PTPRN2: variants seen among roughly 807,000 people sequenced by gnomAD.
The protein encoded by PTPRN2 is receptor-type tyrosine-protein phosphatase N2.
In PTPRN2, 74 loss-of-function variants were observed where a neutral mutation model predicts 118.8. That is an observed-to-expected ratio of 0.62 (90% CI 0.52 to 0.76). PTPRN2 has a LOEUF of 0.76. Ranked by LOEUF, PTPRN2 falls within the 30% of genes least tolerant of loss-of-function variation. The probability of loss-of-function intolerance (pLI) is 0.00; values close to 1 mark genes in which losing one functional copy is unlikely to be tolerated. For missense variants in PTPRN2, 1,481 were observed against 1,394.4 expected (o/e 1.06, Z -0.99); for synonymous variants, 641 against 608.0 (o/e 1.05, Z -0.80).
rs574863981 is a variant in PTPRN2, at chr7:158,542,564, G to A, written c.112+44994C>T. Among the ~76,000 whole-genome samples, 149 of 152,292 alleles carry A rather than the reference G, an allele frequency of 9.8e-4. 3 individuals carry two copies. Among genetic ancestry groups the A allele is most frequent in the Non-Finnish European group, 5.6e-4 (38 of 68,030 alleles). ...AAAGCGCAGAAGGGATGTGCCCAGC[G>A]CCATTTTTAAATGTAGCTGAAGAGG... On this transcript the variant is annotated intron_variant, in intron 1 of 22. Coordinates refer to ENST00000389418, the MANE Select transcript of PTPRN2 (RefSeq NM_002847.5).
In PTPRN2 at chr7:158,414,718, T is replaced by C. The variant is rs868136183; in HGVS notation, c.163+75017A>G. ...GCCTCCCGCCCTGGCCACATCAATG[T>C]GGCTCATTCTTCGAGGCTCCACTGA... On this transcript the variant is annotated intron_variant, in intron 2 of 22. Coordinates refer to ENST00000389418, the MANE Select transcript of PTPRN2 (RefSeq NM_002847.5). Among the ~76,000 whole-genome samples the C allele has an allele frequency of 7.2e-5, 11 of 152,370 alleles. No homozygotes were observed. In the South Asian group the frequency reaches 1.7e-3, roughly 23 times the overall value.
chr7:158,171,302 TACACAC>T (rs1190009891), intron 5 of PTPRN2, among the ~76,000 whole-genome samples: 2,223 of 24,170 alleles, frequency 0.092, 242 homozygotes, highest in African/African-American at 0.16. Flanking sequence ...CACATATATA[TACACAC>T]ATATATATAT....
chr7:158,024,039 T>C (rs949087502), intron 11 of PTPRN2, among the ~76,000 whole-genome samples: 1 of 152,214 alleles, frequency 6.6e-6, no homozygotes, highest in African/African-American at 2.4e-5. Context: ...CACTGGTATC[T>C]ATCAGCAGTT....
chr7:157,874,226 A>G lies in PTPRN2; in HGVS notation c.1788+24447T>C, dbSNP rs115808835. 1.9e-3 allele frequency among the ~76,000 whole-genome samples: 285 copies of G among 152,192 alleles called. No homozygotes were observed. The highest frequency in any genetic ancestry group is 6.5e-3 in the African/African-American group (269 of 41,518). ...TCTGTTTCCCCCTCCACAACTGGGCAGGCTGCTCCCTTCACCCCAACACTC... is the reference window on the plus strand; with the variant it reads ...TCTGTTTCCCCCTCCACAACTGGGCGGGCTGCTCCCTTCACCCCAACACTC... On this transcript the variant is annotated intron_variant, in intron 12 of 22. Coordinates refer to ENST00000389418, the MANE Select transcript of PTPRN2 (RefSeq NM_002847.5). This position sits in a 1 kb window ranked among gnomAD's most constrained non-coding sequence, Gnocchi z 5.8.
intron 12 of PTPRN2, among the ~76,000 whole-genome samples, chr7:157,815,603 T>G (rs1806345096): frequency 6.6e-6 from 1 of 152,172 alleles, no homozygotes; most frequent in Admixed American, 6.5e-5. Flanking sequence ...GAGTTGGCCC[T>G]AGTCCAGTGT....
chr7:158,400,271 T>C (rs1271094628), intron 2 of PTPRN2, among the ~76,000 whole-genome samples: 1 of 152,114 alleles, frequency 6.6e-6, no homozygotes, highest in Non-Finnish European at 1.5e-5. Flanking sequence ...ACCAAGCAGA[T>C]GCGCTACCCT....
chr7:157,631,327 A>G (rs1803925816), intron 14 of PTPRN2, among the ~76,000 whole-genome samples: 1 of 152,244 alleles, frequency 6.6e-6, no homozygotes. Context: ...CAAAGCGTAG[A>G]AGGGGAAACA....
chr7:158,276,573 G>C (rs917489193), intron 3 of PTPRN2, among the ~76,000 whole-genome samples: 1 of 152,218 alleles, frequency 6.6e-6, no homozygotes, highest in South Asian at 2.1e-4. Flanking sequence ...CTGGGCAGTC[G>C]TGGTGACCGC....
chr7:158,543,532 T>C (rs1026332159), intron 1 of PTPRN2, among the ~76,000 whole-genome samples: 2 of 152,250 alleles, frequency 1.3e-5, no homozygotes, highest in Admixed American at 6.5e-5. Context: ...TGAGGGTAAC[T>C]GCATAATGTA....
rs189420698 is a variant in PTPRN2 at position 158,128,296 on chromosome 7, A to T, written c.1556+5381T>A. On this transcript the variant is annotated intron_variant, in intron 9 of 22. Coordinates refer to ENST00000389418, the MANE Select transcript of PTPRN2 (RefSeq NM_002847.5). ...GAGGAGACCTCACCTAGTGCATCACACCTTGCTCAAGCAGTACAAATTGCT... is the reference window on the plus strand; with the variant it reads ...GAGGAGACCTCACCTAGTGCATCACTCCTTGCTCAAGCAGTACAAATTGCT... Among the ~76,000 whole-genome samples, 516 of 152,314 alleles carry T rather than the reference A, an allele frequency of 3.4e-3. 2 individuals carry two copies. The highest frequency in any genetic ancestry group is 0.012 in the African/African-American group (488 of 41,558).
rs142476619 is a variant in PTPRN2, at chr7:158,563,957, C to G, written c.112+23601G>C. 6.6e-6 allele frequency among the ~76,000 whole-genome samples: 1 copy of G among 152,146 alleles called. No individual in the cohort carries two copies. The highest frequency in any genetic ancestry group is 1.5e-5 in the Non-Finnish European group (1 of 68,034). ...GATGCCACAGTGCCTGGGATGTCTACGAAACACACATCATGACAGCTCCTG... is the reference window on the plus strand; with the variant it reads ...GATGCCACAGTGCCTGGGATGTCTAGGAAACACACATCATGACAGCTCCTG... On this transcript the variant is annotated intron_variant, in intron 1 of 22. Coordinates refer to ENST00000389418, the MANE Select transcript of PTPRN2 (RefSeq NM_002847.5). The surrounding 1 kb of genome is among the most constrained non-coding windows in gnomAD (Gnocchi z 5.1).
Position 157,861,202 on chromosome 7 carries a change from T to C in PTPRN2, c.1788+37471A>G, listed in dbSNP as rs1810209772. 1.3e-5 allele frequency among the ~76,000 whole-genome samples: 2 copies of C among 152,220 alleles called. No homozygotes were observed. The highest frequency in any genetic ancestry group is 1.3e-4 in the Admixed American group (2 of 15,286). On this transcript the variant is annotated intron_variant, in intron 12 of 22. Transcript: ENST00000389418. This position sits in a 1 kb window ranked among gnomAD's most constrained non-coding sequence, Gnocchi z 5.8. ...CCCTGTGCGTGCTCCATGGTGACAC[T>C]GCCCCACGGGGTCCAAATGCTGAAT... is the stretch of plus-strand genomic sequence containing the variant.
chr7:157,829,896 A>G (rs1807441168), intron 12 of PTPRN2, among the ~76,000 whole-genome samples: 1 of 152,180 alleles, frequency 6.6e-6, no homozygotes, highest in Non-Finnish European at 1.5e-5. Context: ...GCCCCATGGC[A>G]GCTGCCTGCC....
At chr7:158,030,367 T>G (rs1472598018) in intron 11 of PTPRN2, 1 of 152,212 alleles carries the variant, frequency 6.6e-6, no homozygotes, top group Non-Finnish European at 1.5e-5. Context: ...AGATGGCTGC[T>G]CGGGGACTAT....
At chr7:157,904,213 C>A (rs967775944) in intron 11 of PTPRN2, among the ~76,000 whole-genome samples, 1 of 152,240 alleles carries the variant, frequency 6.6e-6, no homozygotes, top group Non-Finnish European at 1.5e-5. Flanking sequence ...GTGTGCCCCA[C>A]TAACAGCACC....
chr7:158,078,939 T>G (rs1306560498), intron 11 of PTPRN2, among the ~76,000 whole-genome samples: 1 of 152,188 alleles, frequency 6.6e-6, no homozygotes, highest in Non-Finnish European at 1.5e-5. Context: ...CCTCTGCCTC[T>G]TGGGTTTAAG....
chr7:157,637,882 A>C (rs754454336), intron 14 of PTPRN2, among the ~76,000 whole-genome samples: 3 of 152,224 alleles, frequency 2.0e-5, no homozygotes, highest in Admixed American at 6.5e-5. Context: ...TGAAGTTTTT[A>C]GGAAGAATAA....
chr7:157,959,316 A>G (rs979412079), intron 11 of PTPRN2, among the ~76,000 whole-genome samples: 1 of 152,264 alleles, frequency 6.6e-6, no homozygotes, highest in Non-Finnish European at 1.5e-5. Flanking sequence ...ATTTCTCAGT[A>G]TGACACTAAA....
chr7:157,648,809 C>A (rs562003546), intron 14 of PTPRN2, among the ~76,000 whole-genome samples: 5 of 146,090 alleles, frequency 3.4e-5, no homozygotes, highest in Non-Finnish European at 6.0e-5. Context: ...GGGTCAGACC[C>A]ATCCAGCGTG....
Sources: gnomAD v4.1 joint callset for allele counts (sites outside exome capture counted in the v4.1 genomes callset) on GRCh38, gnomAD v4.1.1 for gene constraint, Gnocchi (gnomAD v3.1) non-coding constraint, MANE v1.5 for transcripts, NCBI Gene and HGNC (gene_info 2026-07-23, HGNC 2026-07-21) for gene names.